Variants in BTRC observed in about 807,000 individuals in gnomAD.
BTRC encodes the protein beta-transducin repeat containing E3 ubiquitin protein ligase.
BTRC carries 42 observed loss-of-function variants against 85.5 expected under a neutral mutation model. The observed-to-expected ratio is 0.49, with a 90% CI of 0.38 to 0.64. The LOEUF is 0.64. Ranked by LOEUF, BTRC falls within the 30% of genes least tolerant of loss-of-function variation. BTRC has a pLI of 0.00. For synonymous variants in BTRC, 255 were observed against 263.3 expected (o/e 0.97, Z 0.30); for missense variants, 594 against 743.5 (o/e 0.80, Z 2.34).
intron 2 of BTRC, among the ~76,000 whole-genome samples, chr10:101,436,853 T>G (rs1292761007): frequency 6.6e-6 from 1 of 152,160 alleles, no homozygotes; most frequent in South Asian, 2.1e-4. Flanking sequence ...TCTACTGAAT[T>G]TTACCATGTA....
At chr10:101,376,364 C>T (rs1320730507) in intron 1 of BTRC, among the ~76,000 whole-genome samples, 2 of 152,184 alleles carry the variant, frequency 1.3e-5, no homozygotes, top group East Asian at 3.9e-4. Flanking sequence ...TGAGACAAAT[C>T]TCATGGCCAA....
intron 4 of BTRC, among the ~76,000 whole-genome samples, chr10:101,489,121 A>AT (rs955977019): frequency 2.6e-5 from 4 of 152,074 alleles, no homozygotes; most frequent in Non-Finnish European, 5.9e-5. Flanking sequence ...CAGAAATCTG[A>AT]TTTTTTGTCA....
At chr10:101,457,820 T>A (rs371371262) in intron 2 of BTRC, among the ~76,000 whole-genome samples, 1 of 152,306 alleles carries the variant, frequency 6.6e-6, no homozygotes, top group East Asian at 1.9e-4. Context: ...TGGATTTAAT[T>A]AATTAATTTT....
At chr10:101,355,491 T>G (rs775589029) in intron 1 of BTRC, among the ~76,000 whole-genome samples, 22 of 152,352 alleles carry the variant, frequency 1.4e-4, no homozygotes, top group Non-Finnish European at 2.6e-4. Context: ...TTCCTAGGTG[T>G]AAAACCAGAC....
intron 1 of BTRC, among the ~76,000 whole-genome samples, chr10:101,372,441 G>A (rs201503431): frequency 2.0e-5 from 3 of 149,690 alleles, no homozygotes; most frequent in African/African-American, 7.3e-5. Flanking sequence ...TTTTAGTAGA[G>A]ACGGGGTTTC....
At chr10:101,508,199 A>G (rs1184354542) in intron 4 of BTRC, among the ~76,000 whole-genome samples, 1 of 152,230 alleles carries the variant, frequency 6.6e-6, no homozygotes, top group Admixed American at 6.5e-5. Flanking sequence ...TAGGAAAAAA[A>G]GATTGGCAAG....
chr10:101,422,104 C>G, intron 1 of BTRC, among the ~76,000 whole-genome samples: 1 of 152,204 alleles, frequency 6.6e-6, no homozygotes, highest in East Asian at 1.9e-4. Flanking sequence ...TAAAAGTGTT[C>G]CTCTTCTCCA....
chr10:101,382,536 G>A (rs955245005), intron 1 of BTRC, among the ~76,000 whole-genome samples: 1 of 150,658 alleles, frequency 6.6e-6, no homozygotes, highest in Non-Finnish European at 1.5e-5. Flanking sequence ...TTTTTTCTTA[G>A]TGCACTACTA....
At chr10:101,458,399 T>A (rs544936784) in intron 2 of BTRC, among the ~76,000 whole-genome samples, 2 of 152,256 alleles carry the variant, frequency 1.3e-5, no homozygotes, top group African/African-American at 4.8e-5. Flanking sequence ...TTGGGAGTGG[T>A]GGAATTTTTC....
rs1473511056 is a variant in BTRC at position 101,517,797 on chromosome 10, T to C, written c.325-3842T>C. On this transcript the variant is annotated intron_variant, in intron 4 of 14. Transcript: ENST00000370187. ...ATATCCAGTCGATCAGCAAATTCAG[T>C]AGGATCTGTCTTCAGAATATACACT... Among the ~76,000 whole-genome samples the C allele has an allele frequency of 1.3e-5, 2 of 152,186 alleles. 1 individual carries two copies. Among genetic ancestry groups the C allele is most frequent in the African/African-American group, 4.8e-5 (2 of 41,442 alleles).
chr10:101,472,612 C>T (rs372503735), intron 3 of BTRC, among the ~76,000 whole-genome samples: 2 of 152,034 alleles, frequency 1.3e-5, no homozygotes, highest in East Asian at 1.9e-4. Flanking sequence ...GTCAGGAGTT[C>T]GAGACCAGCC....
intron 4 of BTRC, among the ~76,000 whole-genome samples, chr10:101,482,400 T>G (rs1445328951): frequency 4.2e-5 from 6 of 143,050 alleles, no homozygotes; most frequent in African/African-American, 1.5e-4. Flanking sequence ...TTTCTTTTTT[T>G]TTTTTTTTTT....
chr10:101,389,319 A>G (rs934455582), intron 1 of BTRC, among the ~76,000 whole-genome samples: 1 of 151,740 alleles, frequency 6.6e-6, no homozygotes, highest in Non-Finnish European at 1.5e-5. Flanking sequence ...CTCTCTGCCT[A>G]CACTGCTATC....
chr10:101,415,090 C>T (rs1043206740), intron 1 of BTRC, among the ~76,000 whole-genome samples: 4 of 151,970 alleles, frequency 2.6e-5, no homozygotes, highest in African/African-American at 9.7e-5. Context: ...GTTTATTGAC[C>T]ACTCATTCAG....
At chr10:101,397,439 T>C (rs1435895443) in intron 1 of BTRC, among the ~76,000 whole-genome samples, 11 of 152,212 alleles carry the variant, frequency 7.2e-5, no homozygotes, top group Non-Finnish European at 1.3e-4. Context: ...TGACAAAAGT[T>C]AAATCCCTCT....
chr10:101,549,212 A>C (rs2062606777), intron 13 of BTRC, among the ~76,000 whole-genome samples: 1 of 148,848 alleles, frequency 6.7e-6, no homozygotes, highest in African/African-American at 2.5e-5. Flanking sequence ...AGGCAGAAGG[A>C]CTGCTTGGTC....
At chr10:101,383,479 T>C (rs1942990228) in intron 1 of BTRC, among the ~76,000 whole-genome samples, 1 of 152,154 alleles carries the variant, frequency 6.6e-6, no homozygotes, top group Non-Finnish European at 1.5e-5. Flanking sequence ...GATATTTTGC[T>C]CATGATTATT....
At chr10:101,439,429 C>G (rs1199317444) in intron 2 of BTRC, among the ~76,000 whole-genome samples, 2 of 152,144 alleles carry the variant, frequency 1.3e-5, no homozygotes, top group African/African-American at 2.4e-5. Flanking sequence ...TTGCTGTTCC[C>G]TTTGGCATTA....
chr10:101,479,607 T>C, intron 4 of BTRC, 150 bp downstream of exon 4: 1 of 534,728 alleles, frequency 1.9e-6, no homozygotes, highest in Non-Finnish European at 3.1e-6. Context: ...CTAGAACAGA[T>C]TGCAAGTTAG....
Sources: allele counts gnomAD v4.1 joint callset (sites outside exome capture counted in the v4.1 genomes callset), GRCh38; gene constraint gnomAD v4.1.1; transcripts MANE v1.5; gene names NCBI Gene and HGNC (gene_info 2026-07-23, HGNC 2026-07-21).